FAM184A: variants seen among roughly 807,000 people sequenced by gnomAD.
FAM184A encodes protein FAM184A.
In FAM184A, 99 loss-of-function variants were observed where a neutral mutation model predicts 143.8. The ratio of observed to expected loss-of-function variants is 0.69; its 90% CI spans 0.58 to 0.81. The LOEUF (loss-of-function observed/expected upper bound fraction) is 0.81. Among genes scored for constraint, FAM184A ranks in the 40% least tolerant of loss-of-function variants. FAM184A has a pLI of 0.00. For missense variants in FAM184A, 1,217 were observed against 1,310.5 expected (o/e 0.93, Z 1.10); for synonymous variants, 427 against 446.4 (o/e 0.96, Z 0.55).
intron 14 of FAM184A, among the ~76,000 whole-genome samples, chr6:118,971,530 C>T (rs977998604): frequency 1.3e-5 from 2 of 149,912 alleles, no homozygotes; most frequent in African/African-American, 5.0e-5. Flanking sequence ...TCTTTACTTA[C>T]AGAGTAAATC....
intron 9 of FAM184A, among the ~76,000 whole-genome samples, chr6:118,984,197 T>TTA (rs1285382633): frequency 7.2e-6 from 1 of 138,946 alleles, no homozygotes; most frequent in Non-Finnish European, 1.5e-5. Flanking sequence ...ATATTTATAT[T>TTA]TATATATATT....
chr6:119,018,301 C>G (rs1562475708), intron 4 of FAM184A, among the ~76,000 whole-genome samples: 2 of 152,174 alleles, frequency 1.3e-5, no homozygotes, highest in Non-Finnish European at 2.9e-5. Flanking sequence ...ATGACATTCT[C>G]TCATTTAATT....
intron 14 of FAM184A, among the ~76,000 whole-genome samples, chr6:118,969,819 C>T (rs889937535): frequency 7.0e-6 from 1 of 143,390 alleles, no homozygotes; most frequent in Non-Finnish European, 1.5e-5. Flanking sequence ...CGTGACAGGC[C>T]CTGGTGTGTG....
At chr6:119,021,482 C>T (rs1286078810) in intron 3 of FAM184A, among the ~76,000 whole-genome samples, 2 of 152,180 alleles carry the variant, frequency 1.3e-5, no homozygotes, top group Non-Finnish European at 2.9e-5. Context: ...CAAACTTCAA[C>T]TAATTTGAGC....
intron 4 of FAM184A, among the ~76,000 whole-genome samples, chr6:119,019,684 A>T (rs778860727): frequency 6.6e-6 from 1 of 152,258 alleles, no homozygotes; most frequent in South Asian, 2.1e-4. Flanking sequence ...AATAATGATT[A>T]TAAGTATACA....
Position 119,023,184 on chromosome 6 carries a change from T to A in FAM184A, c.1015-104A>T, listed in dbSNP as rs553979016. The A allele has an allele frequency of 7.7e-5, 91 of 1,178,524 alleles. 1 individual carries two copies. The African/African-American group carries it at 1.3e-3, about 17-fold the overall frequency. The allele number at this position is 1,178,524 out of a possible 1,614,324, so 73.0% of individuals were successfully genotyped here. On this transcript the variant is annotated intron_variant, in intron 2 of 17. Transcript: ENST00000338891. ...GCTTTCTCTTATTCAGAAGTCATAC[T>A]AAACTATATACCAATTTTTAAATCT... is the stretch of plus-strand genomic sequence containing the variant.
chr6:118,986,763 A>T (rs1784209202), intron 9 of FAM184A, among the ~76,000 whole-genome samples: 1 of 152,244 alleles, frequency 6.6e-6, no homozygotes, highest in Non-Finnish European at 1.5e-5. Flanking sequence ...AATTAATTTT[A>T]AAAATAATCA....
chr6:118,968,763 T>G (rs1034801286), intron 14 of FAM184A, among the ~76,000 whole-genome samples: 3 of 152,238 alleles, frequency 2.0e-5, no homozygotes, highest in Non-Finnish European at 2.9e-5. Flanking sequence ...TCTATTTTTT[T>G]GTTAATTGAG....
chr6:119,049,639 G>A (rs1021223153), intron 1 of FAM184A, among the ~76,000 whole-genome samples: 4 of 152,102 alleles, frequency 2.6e-5, no homozygotes, highest in Non-Finnish European at 5.9e-5. Context: ...ATATGTAGAA[G>A]ATTGGAATTG....
rs2114565584 is a variant in FAM184A at position 118,974,414 on chromosome 6, A to G, written c.2915+14T>C. 1 of 1,598,462 alleles carries G rather than the reference A, an allele frequency of 6.3e-7. No homozygotes were observed. Among genetic ancestry groups the G allele is most frequent in the South Asian group, 1.1e-5 (1 of 87,402 alleles). Reference sequence around the variant, plus strand: ...ATTATCCACATATGAATTTTCTTATATAATATGACTTACGACACTTGTAAA... The same window carrying G: ...ATTATCCACATATGAATTTTCTTATGTAATATGACTTACGACACTTGTAAA... On this transcript the variant is annotated intron_variant, in intron 14 of 17. Transcript: ENST00000338891.
chr6:119,110,549 A>G (rs550659733), intron 1 of FAM184A, among the ~76,000 whole-genome samples: 1 of 152,138 alleles, frequency 6.6e-6, no homozygotes, highest in South Asian at 2.1e-4. Context: ...TGAAAAGGAT[A>G]TTGGATAGAC....
At chr6:118,964,541 A>C in intron 16 of FAM184A, 126 bp downstream of exon 16, 1 of 482,028 alleles carries the variant, frequency 2.1e-6, no homozygotes, top group Admixed American at 3.5e-5. Context: ...TTTTAGTGCT[A>C]GATTATTAAA....
intron 1 of FAM184A, among the ~76,000 whole-genome samples, chr6:119,099,164 A>G (rs1788581269): frequency 6.6e-6 from 1 of 152,100 alleles, no homozygotes; most frequent in Admixed American, 6.5e-5. Flanking sequence ...AGGGGCGCAC[A>G]CCTGAAGAGG....
intron 9 of FAM184A, among the ~76,000 whole-genome samples, chr6:118,986,247 T>C (rs1334175971): frequency 6.6e-6 from 1 of 151,886 alleles, no homozygotes; most frequent in South Asian, 2.1e-4. Flanking sequence ...GAGCCGAGAT[T>C]GCGCCACTGC....
intron 1 of FAM184A, among the ~76,000 whole-genome samples, chr6:119,120,962 T>C (rs1789197641): frequency 1.4e-5 from 2 of 148,074 alleles, no homozygotes; most frequent in African/African-American, 5.0e-5. Flanking sequence ...CAGGTACCAC[T>C]GCATCTGAAA....
chr6:119,071,108 G>C lies in FAM184A; in HGVS notation c.159+7033C>G, dbSNP rs574668118. Among the ~76,000 whole-genome samples, 24 of 152,168 alleles carry C rather than the reference G, an allele frequency of 1.6e-4. 1 individual carries two copies. The South Asian group carries it at 5.0e-3, about 32-fold the overall frequency. Reference sequence around the variant, plus strand: ...ACAATTTTAAAAGTTAAAGTATAGGGAACTTATTAATTAAAATGAAGAAAT... The same window carrying C: ...ACAATTTTAAAAGTTAAAGTATAGGCAACTTATTAATTAAAATGAAGAAAT... On this transcript the variant is annotated intron_variant, in intron 1 of 17. Coordinates refer to ENST00000338891, the MANE Select transcript of FAM184A (RefSeq NM_024581.6).
At position 119,141,524 on chromosome 6, in the gene FAM184A, G is replaced by A. The variant is rs556602571; in HGVS notation, c.-202+7554C>T. The stretch of plus-strand genomic sequence containing the variant: ...TTTTGAGACAGAGTCTGGTTCTGTC[G>A]CCCAGGCAGTGGCGCGATCTTGGCT... On this transcript the variant is annotated intron_variant, in intron 1 of 16. Transcript: ENST00000352896. 3.9e-5 allele frequency among the ~76,000 whole-genome samples: 6 copies of A among 152,018 alleles called. No homozygotes were observed. In the South Asian group the frequency reaches 6.2e-4, roughly 16 times the overall value.
At chr6:119,018,244 G>A (rs904380156) in intron 4 of FAM184A, among the ~76,000 whole-genome samples, 55 of 152,216 alleles carry the variant, frequency 3.6e-4, no homozygotes, top group Admixed American at 1.6e-3. Flanking sequence ...CAGAGACAGA[G>A]AGATATCAGG....
rs1784359978 is a variant in FAM184A at position 118,990,995 on chromosome 6, TATG to T, written c.2089-10648_2089-10646del. The stretch of plus-strand genomic sequence containing the variant: ...AGTAAGATGTATCAACTTATTCAAC[TATG>T]TATCTCACCCTGTATAAATTTTATA... On this transcript the variant is annotated intron_variant, in intron 9 of 17. Transcript: ENST00000338891. Among the ~76,000 whole-genome samples, 3 of 152,024 alleles carry T rather than the reference TATG, an allele frequency of 2.0e-5. No homozygotes were observed. In the South Asian group the frequency reaches 6.2e-4, roughly 32 times the overall value.
Sources: allele counts gnomAD v4.1 joint callset (sites outside exome capture counted in the v4.1 genomes callset), GRCh38; gene constraint gnomAD v4.1.1; transcripts MANE v1.5; gene names NCBI Gene and HGNC (gene_info 2026-07-23, HGNC 2026-07-21).